Variants in SLC28A1 observed in about 807,000 individuals in gnomAD.
The protein encoded by SLC28A1 is solute carrier family 28 member 1, also known as sodium/nucleoside cotransporter 1.
SLC28A1 carries 64 observed loss-of-function variants against 74.8 expected under a neutral mutation model. The ratio of observed to expected loss-of-function variants is 0.86; its 90% CI spans 0.70 to 1.05. The LOEUF is 1.05. SLC28A1 is among the 50% of genes least tolerant of loss of function. The pLI is 0.00. For synonymous variants in SLC28A1, 359 were observed against 335.0 expected (o/e 1.07, Z -0.78); for missense variants, 828 against 822.8 (o/e 1.01, Z -0.08).
At chr15:84,906,072 T>C (rs566543895) in intron 8 of SLC28A1, among the ~76,000 whole-genome samples, 1 of 150,052 alleles carries the variant, frequency 6.7e-6, no homozygotes, top group South Asian at 2.1e-4. Context: ...CAGGCTGGAG[T>C]GCAGTGGTGC....
intron 6 of SLC28A1, among the ~76,000 whole-genome samples, chr15:84,900,955 G>A (rs1417778648): frequency 1.3e-5 from 2 of 152,102 alleles, no homozygotes; most frequent in Non-Finnish European, 2.9e-5. Context: ...CAGGTGTGGT[G>A]GCTCACGCCT....
rs1964642688 is a variant in SLC28A1, at chr15:84,886,736, A to G, written c.-68A>G. ...CAGGTTGGACCCAGCTTGTCCCCACAGAGACGTGTGCTTCCCTCTCTCTCT... is the reference window on the plus strand; with the variant it reads ...CAGGTTGGACCCAGCTTGTCCCCACGGAGACGTGTGCTTCCCTCTCTCTCT... On this transcript the variant is annotated 5_prime_UTR_variant, in exon 2 of 19. Coordinates refer to ENST00000394573, the MANE Select transcript of SLC28A1 (RefSeq NM_004213.5). 1 of 985,388 alleles carries G rather than the reference A, an allele frequency of 1.0e-6. No homozygotes were observed. Among genetic ancestry groups the G allele is most frequent in the Non-Finnish European group, 1.2e-6 (1 of 829,956 alleles). 61.0% of individuals were successfully genotyped at this position (985,388 alleles called of 1,614,324 possible).
chr15:84,904,262 G>C, intron 7 of SLC28A1, 24 bp downstream of exon 7: 3 of 1,613,010 alleles, frequency 1.9e-6, no homozygotes, highest in Non-Finnish European at 2.5e-6. Context: ...GTGGGGCCCA[G>C]GGCTGGAAGT....
intron 6 of SLC28A1, among the ~76,000 whole-genome samples, chr15:84,896,423 A>G (rs1472658752): frequency 1.3e-5 from 2 of 152,240 alleles, no homozygotes; most frequent in South Asian, 4.1e-4. Context: ...GCCATAATCA[A>G]TAAGACAGAT....
At chr15:84,897,221 CA>C (rs57798365) in intron 6 of SLC28A1, among the ~76,000 whole-genome samples, 161 of 136,564 alleles carry the variant, frequency 1.2e-3, no homozygotes, top group Middle Eastern at 0.011. Flanking sequence ...CTAAAAATAG[CA>C]AAAAAAAAAA....
intron 6 of SLC28A1, chr15:84,895,483 A>G (rs769161542): frequency 8.7e-6 from 14 of 1,607,874 alleles, no homozygotes; most frequent in Non-Finnish European, 1.1e-5. Flanking sequence ...AGGGGGATTC[A>G]GCAGGCTCGA....
At chr15:84,958,128 C>A in the SLC28A1 span, among the ~76,000 whole-genome samples, 1 of 152,060 alleles carries the variant, frequency 6.6e-6, no homozygotes, top group Non-Finnish European at 1.5e-5. Flanking sequence ...TAGAAATATA[C>A]TTGATTTTTG....
At chr15:84,906,227 C>T (rs2141792218) in intron 8 of SLC28A1, among the ~76,000 whole-genome samples, 1 of 151,078 alleles carries the variant, frequency 6.6e-6, no homozygotes, top group East Asian at 1.9e-4. Context: ...ACCATGTTGG[C>T]CAGGCTGGTC....
At chr15:84,910,660 A>C (rs557859189) in intron 9 of SLC28A1, among the ~76,000 whole-genome samples, 1 of 151,928 alleles carries the variant, frequency 6.6e-6, no homozygotes, top group Non-Finnish European at 1.5e-5. Context: ...CCCAGGAGGC[A>C]GAGGTTGCAG....
downstream of SLC28A1, among the ~76,000 whole-genome samples, chr15:84,948,129 C>T (rs984282083): frequency 2.6e-5 from 4 of 152,082 alleles, no homozygotes; most frequent in African/African-American, 9.7e-5. Flanking sequence ...CTACATTGAC[C>T]CCCCTTCTGC....
At chr15:84,905,426 T>C (rs1043334802) in intron 7 of SLC28A1, 113 bp from the exon 8 acceptor site, 2 of 756,140 alleles carry the variant, frequency 2.6e-6, no homozygotes, top group South Asian at 2.9e-5. Context: ...GTACTCTGCC[T>C]GGCTCCAGCC....
chr15:84,885,226 T>C (rs1964446412), intron 1 of SLC28A1, among the ~76,000 whole-genome samples: 2 of 150,708 alleles, frequency 1.3e-5, no homozygotes, highest in South Asian at 4.2e-4. Flanking sequence ...CCCAAAGTGC[T>C]GGGAGTGCAG....
At chr15:84,900,582 T>G (rs1966572519) in intron 6 of SLC28A1, among the ~76,000 whole-genome samples, 1 of 151,990 alleles carries the variant, frequency 6.6e-6, no homozygotes, top group African/African-American at 2.4e-5. Context: ...GAGGACTGCT[T>G]AAGCCCAGGA....
At chr15:84,919,898 C>T (rs1380410640) in intron 10 of SLC28A1, among the ~76,000 whole-genome samples, 3 of 152,276 alleles carry the variant, frequency 2.0e-5, no homozygotes, top group Middle Eastern at 3.4e-3. Flanking sequence ...AGGTGATTCT[C>T]CCCAGACCTG....
Position 84,944,633 on chromosome 15 carries a change from C to T in SLC28A1, c.1731C>T (p.Ala577=). The change falls in exon 17 of 19, where the codon GCC becomes GCT. Residue 577 remains alanine (A), a synonymous_variant. Coordinates refer to ENST00000394573, the MANE Select transcript of SLC28A1 (RefSeq NM_004213.5). ...TGCTCCGGGCGCTCTTCACGGGAGC[C>T]TGTGTGTCCCTGGTGAACGCCTGTA... The part of the protein sequence containing the change: ...QIVLRALFTG[A]CVSLVNACMA... 6.2e-7 allele frequency: 1 copy of T among 1,614,030 alleles called. No homozygotes were observed. Among genetic ancestry groups the T allele is most frequent in the Non-Finnish European group, 8.5e-7 (1 of 1,179,862 alleles).
At chr15:84,950,810 T>C in the SLC28A1 span, among the ~76,000 whole-genome samples, 1 of 152,186 alleles carries the variant, frequency 6.6e-6, no homozygotes, top group Non-Finnish European at 1.5e-5. Context: ...CCTCCCATCA[T>C]GCCCTTGGAA....
intron 15 of SLC28A1, chr15:84,938,481 G>C (rs146284872): frequency 1.3e-5 from 2 of 152,110 alleles, no homozygotes; most frequent in Non-Finnish European, 2.9e-5. Flanking sequence ...AATCTTCTCC[G>C]TATCGTTCTG....
chr15:84,887,669 C>T lies in SLC28A1; in HGVS notation c.-16-76C>T, dbSNP rs540972198. ...CTGCTCCCCCCACTCAGTCCTCTCC[C>T]CTTTCCCCGGGCCCCTAAACTGGGC... On this transcript the variant is annotated intron_variant, in intron 2 of 18. Transcript: ENST00000394573. The T allele has an allele frequency of 5.3e-5, 84 of 1,578,646 alleles. No homozygotes were observed. In the East Asian group the frequency reaches 1.2e-3, roughly 23 times the overall value.
the SLC28A1 span, among the ~76,000 whole-genome samples, chr15:84,956,389 C>T: frequency 4.1e-4 from 62 of 152,046 alleles, no homozygotes; most frequent in African/African-American, 1.3e-3. Context: ...TCCTATCTTG[C>T]GCATTTTTCT....
Sources: gnomAD v4.1 joint callset for allele counts (sites outside exome capture counted in the v4.1 genomes callset) on GRCh38, gnomAD v4.1.1 for gene constraint, MANE v1.5 for transcripts, NCBI Gene and HGNC (gene_info 2026-07-23, HGNC 2026-07-21) for gene names.